Variants in CWC27 observed in about 807,000 individuals in gnomAD.
CWC27 encodes spliceosome-associated protein CWC27 homolog.
A neutral mutation model predicts 63.6 loss-of-function variants in CWC27; 47 were observed. That is an observed-to-expected ratio of 0.74 (90% CI 0.58 to 0.94). CWC27 has a LOEUF of 0.94. Ranked by LOEUF, CWC27 falls within the 40% of genes least tolerant of loss-of-function variation. CWC27 has a pLI of 0.00. For missense variants in CWC27, 495 were observed against 554.3 expected, an observed-to-expected ratio of 0.89 and a Z score of 1.07; for synonymous variants, 175 against 179.8, an observed-to-expected ratio of 0.97 and a Z score of 0.22.
intron 11 of CWC27, among the ~76,000 whole-genome samples, chr5:64,928,929 TA>T (rs1299307983): frequency 1.3e-5 from 2 of 151,884 alleles, no homozygotes; most frequent in Non-Finnish European, 2.9e-5. Flanking sequence ...GAAAGAACAG[TA>T]AACAAATCTT....
At chr5:64,885,143 T>TA (rs1747035573) in intron 10 of CWC27, among the ~76,000 whole-genome samples, 1 of 152,152 alleles carries the variant, frequency 6.6e-6, no homozygotes, top group Admixed American at 6.6e-5. Flanking sequence ...CGTAAATTAT[T>TA]AAACTGAAAC....
At chr5:64,920,631 A>G (rs1215064236) in intron 11 of CWC27, among the ~76,000 whole-genome samples, 3 of 152,124 alleles carry the variant, frequency 2.0e-5, no homozygotes, top group Non-Finnish European at 4.4e-5. Flanking sequence ...TCAGTTTCAG[A>G]AATTGTTATT....
chr5:64,818,546 C>G (rs970398351), intron 10 of CWC27, among the ~76,000 whole-genome samples: 37 of 152,080 alleles, frequency 2.4e-4, no homozygotes, highest in African/African-American at 8.9e-4. Flanking sequence ...TCCAAAGCAT[C>G]CAGATAAATA....
intron 13 of CWC27, among the ~76,000 whole-genome samples, chr5:65,008,939 T>C (rs1254183142): frequency 6.6e-6 from 1 of 152,010 alleles, no homozygotes. Flanking sequence ...TTGAAAGGGG[T>C]ATGTAGTTGT....
chr5:64,826,982 C>A (rs887825964), intron 10 of CWC27, among the ~76,000 whole-genome samples: 8 of 151,992 alleles, frequency 5.3e-5, no homozygotes, highest in Admixed American at 1.3e-4. Flanking sequence ...ACAATTTTTT[C>A]CCACTTTTAA....
chr5:64,837,580 C>G lies in CWC27; in HGVS notation c.938+33194C>G, dbSNP rs1326261663. Among the ~76,000 whole-genome samples the G allele has an allele frequency of 4.0e-5, 6 of 150,930 alleles. No individual in the cohort carries two copies. In the East Asian group the frequency reaches 1.2e-3, roughly 29 times the overall value. ...GTTTAATATCTAGCATTAGTCTTAT[C>G]TCTTTTAAATAGCAAAATGACTTTG... On this transcript the variant is annotated intron_variant, in intron 10 of 13. Transcript: ENST00000381070.
intron 11 of CWC27, among the ~76,000 whole-genome samples, chr5:64,911,450 A>G (rs765575904): frequency 6.6e-6 from 1 of 152,232 alleles, no homozygotes; most frequent in African/African-American, 2.4e-5. Context: ...CTCAATAACT[A>G]GAAGAGCTGG....
intron 11 of CWC27, among the ~76,000 whole-genome samples, chr5:64,902,951 C>T (rs1350337787): frequency 6.6e-6 from 1 of 152,128 alleles, no homozygotes; most frequent in Non-Finnish European, 1.5e-5. Flanking sequence ...CAGATTTCTT[C>T]ATAAGTATTT....
chr5:64,986,849 C>G (rs1444025319), intron 13 of CWC27, among the ~76,000 whole-genome samples: 1 of 152,122 alleles, frequency 6.6e-6, no homozygotes, highest in East Asian at 1.9e-4. Context: ...CTGTAGTTGC[C>G]TGTATTTCCA....
At chr5:64,938,185 G>T (rs917626402) in intron 11 of CWC27, among the ~76,000 whole-genome samples, 1 of 152,070 alleles carries the variant, frequency 6.6e-6, no homozygotes, top group Non-Finnish European at 1.5e-5. Flanking sequence ...AGTTGATGCG[G>T]TATCTTCATA....
At chr5:65,004,933 CACT>C (rs1295398305) in intron 13 of CWC27, among the ~76,000 whole-genome samples, 1 of 138,158 alleles carries the variant, frequency 7.2e-6, no homozygotes, top group Non-Finnish European at 1.6e-5. Flanking sequence ...CACACACACA[CACT>C]GTTGGTTGGG....
At chr5:64,914,635 G>A (rs115412775) in intron 11 of CWC27, among the ~76,000 whole-genome samples, 3 of 151,834 alleles carry the variant, frequency 2.0e-5, no homozygotes, top group African/African-American at 7.3e-5. Context: ...TGAGAATGTG[G>A]AGCATTGGAA....
At chr5:64,940,851 T>C (rs1165645442) in intron 11 of CWC27, among the ~76,000 whole-genome samples, 6 of 141,868 alleles carry the variant, frequency 4.2e-5, no homozygotes, top group African/African-American at 1.5e-4. Context: ...TCTTTTTTTT[T>C]TTTTTTTTTT....
At chr5:64,967,242 A>G in intron 11 of CWC27, among the ~76,000 whole-genome samples, 1 of 152,072 alleles carries the variant, frequency 6.6e-6, no homozygotes, top group East Asian at 1.9e-4. Context: ...CACCAGCACC[A>G]TGACTGTACA....
chr5:64,934,538 T>C (rs1028485950), intron 11 of CWC27, among the ~76,000 whole-genome samples: 1 of 152,230 alleles, frequency 6.6e-6, no homozygotes, highest in Non-Finnish European at 1.5e-5. Flanking sequence ...GTCTTTGCTA[T>C]TGTGAATAGT....
intron 10 of CWC27, among the ~76,000 whole-genome samples, chr5:64,809,716 G>C (rs1442843836): frequency 6.6e-6 from 1 of 152,116 alleles, no homozygotes; most frequent in Non-Finnish European, 1.5e-5. Flanking sequence ...TGTCTGTTTA[G>C]GTATTTTGCC....
intron 13 of CWC27, among the ~76,000 whole-genome samples, chr5:64,999,584 A>T (rs922224881): frequency 6.6e-6 from 1 of 152,118 alleles, no homozygotes; most frequent in Non-Finnish European, 1.5e-5. Flanking sequence ...GAGAATATGC[A>T]GTATTTCATC....
intron 10 of CWC27, among the ~76,000 whole-genome samples, chr5:64,860,829 C>T (rs1429425766): frequency 6.6e-6 from 1 of 152,116 alleles, no homozygotes; most frequent in Non-Finnish European, 1.5e-5. Flanking sequence ...TGTGAGTGCT[C>T]TTGGTATGTT....
chr5:64,905,387 G>A (rs1178753004), intron 11 of CWC27, among the ~76,000 whole-genome samples: 2 of 151,956 alleles, frequency 1.3e-5, no homozygotes, highest in African/African-American at 4.8e-5. Context: ...TCCATGCAGG[G>A]CCAGTTTCTT....
Sources: allele counts gnomAD v4.1 joint callset (sites outside exome capture counted in the v4.1 genomes callset), GRCh38; gene constraint gnomAD v4.1.1; transcripts MANE v1.5; gene names NCBI Gene and HGNC (gene_info 2026-07-23, HGNC 2026-07-21).